CLNK: variants seen among roughly 807,000 people sequenced by gnomAD.
The protein encoded by CLNK is cytokine-dependent hematopoietic cell linker.
CLNK carries 74 observed loss-of-function variants against 68.6 expected under a neutral mutation model. That is an observed-to-expected ratio of 1.08 (90% CI 0.89 to 1.31). The LOEUF is 1.31. Among genes scored for constraint, CLNK ranks in the 50% most tolerant of loss-of-function variants. The probability of loss-of-function intolerance (pLI) is 0.00; values close to 1 mark genes in which losing one functional copy is unlikely to be tolerated. For missense variants in CLNK, 553 were observed against 515.3 expected (o/e 1.07, Z -0.71); for synonymous variants, 198 against 172.2 (o/e 1.15, Z -1.17).
chr4:10,651,084 G>A (rs566007156), intron 2 of CLNK, among the ~76,000 whole-genome samples: 4 of 152,228 alleles, frequency 2.6e-5, no homozygotes, highest in Admixed American at 6.5e-5. Context: ...AAATAGGGAC[G>A]CTCTTACACT....
At chr4:10,610,149 C>T (rs1413505871) in intron 2 of CLNK, among the ~76,000 whole-genome samples, 24 of 133,622 alleles carry the variant, frequency 1.8e-4, no homozygotes, top group Non-Finnish European at 3.2e-4. Flanking sequence ...CTCCGCCTTC[C>T]GGGTTCACGC....
At chr4:10,621,217 A>G (rs534128230) in intron 2 of CLNK, among the ~76,000 whole-genome samples, 1 of 152,308 alleles carries the variant, frequency 6.6e-6, no homozygotes, top group Non-Finnish European at 1.5e-5. Context: ...TTTCCACAGT[A>G]TGTCCTTGAA....
At chr4:10,731,696 C>T in the CLNK span, among the ~76,000 whole-genome samples, 6 of 152,198 alleles carry the variant, frequency 3.9e-5, no homozygotes, top group South Asian at 6.2e-4. Context: ...TTTGTTGCTG[C>T]GATATCATCA....
At chr4:10,650,367 G>A (rs1723679698) in intron 2 of CLNK, among the ~76,000 whole-genome samples, 1 of 151,944 alleles carries the variant, frequency 6.6e-6, no homozygotes, top group Non-Finnish European at 1.5e-5. Context: ...CTGAGAAATA[G>A]TGAAAAACAA....
At chr4:10,596,915 C>T (rs1721408119) in intron 3 of CLNK, among the ~76,000 whole-genome samples, 1 of 152,178 alleles carries the variant, frequency 6.6e-6, no homozygotes, top group Admixed American at 6.5e-5. Flanking sequence ...CTTCTATCTC[C>T]CATCTCTTGC....
At chr4:10,685,543 C>G (rs1725238637), upstream of CLNK, among the ~76,000 whole-genome samples, 1 of 152,144 alleles carries the variant, frequency 6.6e-6, no homozygotes. Flanking sequence ...GTGCCTGTTT[C>G]CTCTTCTGGA....
chr4:10,620,318 G>T (rs142565081), intron 2 of CLNK, among the ~76,000 whole-genome samples: 4 of 152,280 alleles, frequency 2.6e-5, no homozygotes, highest in Admixed American at 2.6e-4. Context: ...GGAACCCATT[G>T]CTTTGTCCTT....
chr4:10,690,384 A>T, the CLNK span, among the ~76,000 whole-genome samples: 2 of 152,164 alleles, frequency 1.3e-5, no homozygotes, highest in African/African-American at 4.8e-5. Context: ...TTGATTTCCT[A>T]GCCTCGTTTT....
At chr4:10,541,598 GTATA>G (rs34946302) in intron 10 of CLNK, among the ~76,000 whole-genome samples, 1 of 150,460 alleles carries the variant, frequency 6.6e-6, no homozygotes, top group African/African-American at 2.4e-5. Context: ...ATATATATAT[GTATA>G]TATATATATC....
At chr4:10,503,144 T>C (rs1292209547) in intron 17 of CLNK, among the ~76,000 whole-genome samples, 1 of 152,154 alleles carries the variant, frequency 6.6e-6, no homozygotes, top group Non-Finnish European at 1.5e-5. Flanking sequence ...TTGTGTGTAT[T>C]GTATAGATGG....
chr4:10,653,496 AT>A (rs1234145972), intron 2 of CLNK, among the ~76,000 whole-genome samples: 1 of 152,222 alleles, frequency 6.6e-6, no homozygotes, highest in Non-Finnish European at 1.5e-5. Flanking sequence ...TTATTTATAA[AT>A]CAGCAAATTA....
intron 11 of CLNK, among the ~76,000 whole-genome samples, chr4:10,534,987 A>G (rs919976374): frequency 6.6e-6 from 1 of 152,162 alleles, no homozygotes; most frequent in Non-Finnish European, 1.5e-5. Context: ...CACTTCCCAA[A>G]TCATCAGAGC....
chr4:10,569,987 A>C (rs1720277814), intron 5 of CLNK, among the ~76,000 whole-genome samples: 1 of 152,152 alleles, frequency 6.6e-6, no homozygotes, highest in South Asian at 2.1e-4. Flanking sequence ...AAGCAAAGCA[A>C]AGCTGCTAGT....
chr4:10,658,157 T>A (rs1003943222), intron 2 of CLNK, among the ~76,000 whole-genome samples: 2 of 152,172 alleles, frequency 1.3e-5, no homozygotes, highest in African/African-American at 4.8e-5. Flanking sequence ...CTCCTCTGTG[T>A]CCTCTTAGCA....
chr4:10,539,209 G>C (rs576446335), intron 11 of CLNK, among the ~76,000 whole-genome samples: 16 of 152,320 alleles, frequency 1.1e-4, no homozygotes, highest in African/African-American at 3.6e-4. Context: ...AGTTGAAAGG[G>C]GGACAGAAAA....
chr4:10,555,631 A>G (rs763794715), intron 8 of CLNK, among the ~76,000 whole-genome samples: 1 of 152,256 alleles, frequency 6.6e-6, no homozygotes, highest in Non-Finnish European at 1.5e-5. Context: ...AATGACATAA[A>G]ATGTACATTA....
chr4:10,729,706 C>T, the CLNK span, among the ~76,000 whole-genome samples: 21 of 152,204 alleles, frequency 1.4e-4, no homozygotes, highest in Admixed American at 1.3e-4. Flanking sequence ...ATGGTTTGCT[C>T]TTGATGTCCC....
the CLNK span, among the ~76,000 whole-genome samples, chr4:10,704,531 C>T: frequency 9.9e-5 from 15 of 152,270 alleles, no homozygotes; most frequent in African/African-American, 3.6e-4. Flanking sequence ...ACCTCCAGAC[C>T]TCTTCCCTCC....
intron 11 of CLNK, among the ~76,000 whole-genome samples, chr4:10,534,348 C>A (rs1315685727): frequency 6.6e-6 from 1 of 152,134 alleles, no homozygotes; most frequent in Admixed American, 6.5e-5. Flanking sequence ...GCGAAAAAAA[C>A]CATGGTCATT....
Sources: allele counts gnomAD v4.1 joint callset (sites outside exome capture counted in the v4.1 genomes callset), GRCh38; gene constraint gnomAD v4.1.1; transcripts MANE v1.5; gene names NCBI Gene and HGNC (gene_info 2026-07-23, HGNC 2026-07-21).